IL1RN: variants seen among roughly 807,000 people sequenced by gnomAD.
IL1RN encodes interleukin 1 receptor antagonist.
Under a neutral mutation model 13.7 loss-of-function variants are expected in IL1RN, and 10 were observed. The ratio of observed to expected loss-of-function variants is 0.73; its 90% CI spans 0.45 to 1.24. IL1RN has a LOEUF of 1.24. IL1RN is among the 50% of genes most tolerant of loss of function. The pLI, the probability that IL1RN is intolerant of heterozygous loss-of-function variation, is 0.00. For missense variants in IL1RN, 213 were observed against 222.1 expected (o/e 0.96, Z 0.26); for synonymous variants, 102 against 82.7 (o/e 1.23, Z -1.27).
chr2:113,104,856 G>C (rs1686364931), upstream of IL1RN, among the ~76,000 whole-genome samples: 1 of 152,144 alleles, frequency 6.6e-6, no homozygotes, highest in African/African-American at 2.4e-5. Flanking sequence ...AAGTGGTCCA[G>C]CTGAAATTTA....
chr2:113,118,359 C>T (rs1298266240), intron 1 of IL1RN, among the ~76,000 whole-genome samples: 1 of 152,152 alleles, frequency 6.6e-6, no homozygotes, highest in Non-Finnish European at 1.5e-5. Context: ...GGTGAAATAG[C>T]CCTGTTAAAT....
upstream of IL1RN, among the ~76,000 whole-genome samples, chr2:113,113,947 C>T (rs138112970): frequency 3.3e-5 from 5 of 152,184 alleles, no homozygotes; most frequent in East Asian, 1.9e-4. Context: ...GGATTAGTTC[C>T]CTCTGTTTAT....
upstream of IL1RN, among the ~76,000 whole-genome samples, chr2:113,116,624 T>C (rs1247105350): frequency 6.6e-6 from 1 of 152,128 alleles, no homozygotes; most frequent in Non-Finnish European, 1.5e-5. Context: ...TGAAGGCCCT[T>C]ACCAGATCCC....
chr2:113,104,596 G>A (rs17042888), upstream of IL1RN, among the ~76,000 whole-genome samples: 18,065 of 152,166 alleles, frequency 0.12, 1,278 homozygotes, highest in East Asian at 0.28. Context: ...CAGCTGGGGC[G>A]TTTTGGGATT....
chr2:113,116,305 C>T (rs539198978), upstream of IL1RN, among the ~76,000 whole-genome samples: 9 of 152,336 alleles, frequency 5.9e-5, no homozygotes, highest in East Asian at 3.9e-4. Context: ...TTGACATTTA[C>T]GAAGTTTCCA....
Position 113,129,639 on chromosome 2 carries a change from G to T in IL1RN, c.180G>T (p.Leu60Phe), listed in dbSNP as rs1200923333. The T allele has an allele frequency of 6.2e-7, 1 of 1,611,742 alleles. No individual in the cohort carries two copies. The highest frequency in any genetic ancestry group is 1.3e-5 in the African/African-American group (1 of 74,914). ...LRNNQLVAGY[L>F]QGPNVNLEEK... ...ACAACCAACTAGTTGCTGGATACTT[G>T]CAAGGACCAAATGTCAATTTAGAAG... is the stretch of plus-strand genomic sequence containing the variant. Residue 60 changes from leucine to phenylalanine, a missense_variant, in exon 2 of 4, where the codon TTG becomes TTT. Transcript: ENST00000409930.
chr2:113,101,105 G>A, the IL1RN span, among the ~76,000 whole-genome samples: 4 of 152,320 alleles, frequency 2.6e-5, no homozygotes, highest in South Asian at 8.3e-4. Context: ...GTCTCTAAGA[G>A]TAGTGACTTG....
At chr2:113,099,390 C>T in the IL1RN span, among the ~76,000 whole-genome samples, 10 of 152,246 alleles carry the variant, frequency 6.6e-5, no homozygotes, top group East Asian at 1.9e-4. Context: ...CCCTAAAGGC[C>T]GGTTTCACTC....
chr2:113,105,827 A>G (rs1223887054), upstream of IL1RN, among the ~76,000 whole-genome samples: 2 of 152,222 alleles, frequency 1.3e-5, no homozygotes, highest in African/African-American at 4.8e-5. Flanking sequence ...TGAAATAATC[A>G]TGTGGTTTTT....
upstream of IL1RN, among the ~76,000 whole-genome samples, chr2:113,104,639 C>T (rs930434332): frequency 2.6e-5 from 4 of 152,182 alleles, no homozygotes; most frequent in African/African-American, 9.7e-5. Flanking sequence ...ATGTATGGTG[C>T]TGAGCAAGTA....
upstream of IL1RN, among the ~76,000 whole-genome samples, chr2:113,105,088 G>A (rs1686367837): frequency 6.6e-6 from 1 of 152,206 alleles, no homozygotes; most frequent in South Asian, 2.1e-4. Flanking sequence ...ATCTTTCAGA[G>A]GAGGTAGCCT....
At chr2:113,108,252 T>C (rs1388727520), upstream of IL1RN, among the ~76,000 whole-genome samples, 2 of 150,182 alleles carry the variant, frequency 1.3e-5, no homozygotes, top group Non-Finnish European at 3.0e-5. Context: ...TTGGGGGGGG[T>C]TATAAATTTT....
In IL1RN at chr2:113,131,068, G is replaced by A; in HGVS notation, c.229G>A (p.Glu77Lys). ...LEEKIDVVPI[E>K]PHALFLGIHG... is the part of the protein sequence containing the mutation. ...AGAAAAGATAGATGTGGTACCCATT[G>A]AGCCTCATGCTCTGTTCTTGGGAAT... The change falls in exon 3 of 4, where the codon GAG becomes AAG. Residue 77 changes from glutamate (E) to lysine (K), a missense_variant. Physicochemically the swap from Glu to Lys is moderately conservative, Grantham distance 56 (BLOSUM62 1). Transcript: ENST00000409930. 1 of 1,612,644 alleles carries A rather than the reference G, an allele frequency of 6.2e-7. No homozygotes were observed. The highest frequency in any genetic ancestry group is 8.5e-7 in the Non-Finnish European group (1 of 1,178,586).
the IL1RN span, among the ~76,000 whole-genome samples, chr2:113,099,391 G>A: frequency 9.2e-5 from 14 of 152,308 alleles, no homozygotes; most frequent in South Asian, 6.2e-4. Flanking sequence ...CCTAAAGGCC[G>A]GTTTCACTCC....
chr2:113,128,524 G>C (rs1372942517), intron 1 of IL1RN, among the ~76,000 whole-genome samples: 1 of 152,096 alleles, frequency 6.6e-6, no homozygotes, highest in African/African-American at 2.4e-5. Flanking sequence ...TATGGGGACT[G>C]TCTGCTTCCC....
chr2:113,122,660 G>A (rs1686816161), upstream of IL1RN, among the ~76,000 whole-genome samples: 1 of 152,114 alleles, frequency 6.6e-6, no homozygotes, highest in African/African-American at 2.4e-5. Flanking sequence ...AAACACACCT[G>A]ACAACATTAC....
rs1224270513 is a variant in IL1RN at position 113,121,597 on chromosome 2, T to C, written c.73+1469T>C. 4.1e-6 allele frequency: 4 copies of C among 985,366 alleles called. No homozygotes were observed. In the African/African-American group the frequency reaches 7.0e-5, roughly 17 times the overall value. The allele number at this position is 985,366 out of a possible 1,614,324, so 61.0% of individuals were successfully genotyped here. A position where few individuals can be genotyped will look rare whatever the true frequency, so the allele number is the denominator to read the frequency against. ...GGGCAAAAATCATCTTGGAAGGCTC[T>C]GAACCTCAGAAAGGATTCACAGTAA... On this transcript the variant is annotated intron_variant, in intron 2 of 5. Transcript: ENST00000259206.
chr2:113,118,698 A>T (rs1158871632), intron 1 of IL1RN, among the ~76,000 whole-genome samples: 1 of 152,242 alleles, frequency 6.6e-6, no homozygotes, highest in Non-Finnish European at 1.5e-5. Context: ...AAAAACTCTC[A>T]GGATCATTGG....
intron 1 of IL1RN, chr2:113,119,916 TCGGA>T: frequency 5.6e-6 from 4 of 712,762 alleles, no homozygotes; most frequent in South Asian, 4.7e-5. Flanking sequence ...GGGTGCATAC[TCGGA>T]CTGGAAACTG....
Sources: gnomAD v4.1 joint callset for allele counts (sites outside exome capture counted in the v4.1 genomes callset) on GRCh38, gnomAD v4.1.1 for gene constraint, MANE v1.5 for transcripts, NCBI Gene and HGNC (gene_info 2026-07-23, HGNC 2026-07-21) for gene names.